PTPRN2: variants seen among roughly 807,000 people sequenced by gnomAD.
PTPRN2 encodes the protein protein tyrosine phosphatase receptor type N2.
A neutral mutation model predicts 118.8 loss-of-function variants in PTPRN2; 74 were observed. The observed-to-expected ratio is 0.62, with a 90% CI of 0.52 to 0.76. The LOEUF (loss-of-function observed/expected upper bound fraction) is 0.76, where lower values mean the gene tolerates loss of function less well. PTPRN2 is among the 30% of genes least tolerant of loss of function. PTPRN2 has a pLI of 0.00. For missense variants in PTPRN2, 1,481 were observed against 1,394.4 expected, an observed-to-expected ratio of 1.06 and a Z score of -0.99; for synonymous variants, 641 against 608.0, an observed-to-expected ratio of 1.05 and a Z score of -0.80.
At chr7:158,252,206 C>T (rs1019058917) in intron 3 of PTPRN2, among the ~76,000 whole-genome samples, 2 of 152,194 alleles carry the variant, frequency 1.3e-5, no homozygotes, top group African/African-American at 4.8e-5. Flanking sequence ...ACTTGAGCAC[C>T]AGTGGCCTGA....
intron 3 of PTPRN2, among the ~76,000 whole-genome samples, chr7:158,218,717 T>A (rs1000738791): frequency 1.3e-5 from 2 of 152,138 alleles, no homozygotes; most frequent in Non-Finnish European, 2.9e-5. Flanking sequence ...ACACTTTGGC[T>A]CAAAGTAAAG....
intron 22 of PTPRN2, among the ~76,000 whole-genome samples, chr7:157,542,893 T>A (rs2116946132): frequency 6.6e-6 from 1 of 152,170 alleles, no homozygotes; most frequent in East Asian, 1.9e-4. Context: ...AGAGCTGGCG[T>A]TTGAGGGGAC....
chr7:158,342,939 A>C (rs1319051477), intron 2 of PTPRN2, among the ~76,000 whole-genome samples: 2 of 152,162 alleles, frequency 1.3e-5, no homozygotes, highest in East Asian at 3.9e-4. Flanking sequence ...AGGGTGGACA[A>C]GTGCTGGGTT....
At chr7:158,472,777 G>A (rs372656010) in intron 2 of PTPRN2, among the ~76,000 whole-genome samples, 3 of 152,172 alleles carry the variant, frequency 2.0e-5, no homozygotes, top group South Asian at 2.1e-4. Flanking sequence ...TAACAAGGCC[G>A]TTGCATGCAA....
chr7:157,999,873 CTTTTT>C (rs975846065), intron 11 of PTPRN2, among the ~76,000 whole-genome samples: 2 of 148,330 alleles, frequency 1.3e-5, no homozygotes, highest in Non-Finnish European at 3.0e-5. Flanking sequence ...TTTATTTTTA[CTTTTT>C]TTTTTTATTT....
At chr7:158,197,989 T>C (rs1826343024) in intron 4 of PTPRN2, among the ~76,000 whole-genome samples, 1 of 152,244 alleles carries the variant, frequency 6.6e-6, no homozygotes, top group Non-Finnish European at 1.5e-5. Flanking sequence ...CCAAGGCTTT[T>C]GCAGTTCTTT....
At chr7:157,725,747 G>A (rs1221809114) in intron 12 of PTPRN2, among the ~76,000 whole-genome samples, 1 of 76,406 alleles carries the variant, frequency 1.3e-5, no homozygotes, top group Non-Finnish European at 2.5e-5. Context: ...CCTCCCAGGA[G>A]AACTGGATAT....
rs1554571676 is a variant in PTPRN2 at position 158,171,308 on chromosome 7, C to CATACATATATATAT, written c.550-4018_550-4017insATATATATATGTAT. On this transcript the variant is annotated intron_variant, in intron 5 of 22. Coordinates refer to ENST00000389418, the MANE Select transcript of PTPRN2 (RefSeq NM_002847.5). ...ATATATACACACATATATATACACA[C>CATACATATATATAT]ATATATATATATATATATATATATA... 2.3e-4 allele frequency among the ~76,000 whole-genome samples: 11 copies of CATACATATATATAT among 48,674 alleles called. 3 individuals carry two copies. Among genetic ancestry groups the CATACATATATATAT allele is most frequent in the Non-Finnish European group, 3.0e-4 (8 of 27,068 alleles). The allele number at this position is 48,674 out of a possible 152,430, so 31.9% of individuals were successfully genotyped here. A position where few individuals can be genotyped will look rare whatever the true frequency, so the allele number is the denominator to read the frequency against.
At chr7:158,533,820 G>A (rs1299905094) in intron 1 of PTPRN2, among the ~76,000 whole-genome samples, 1 of 152,242 alleles carries the variant, frequency 6.6e-6, no homozygotes, top group Non-Finnish European at 1.5e-5. Context: ...AGATGTGGAT[G>A]CAGAATGAAC....
At chr7:158,316,520 C>T (rs956694043) in intron 3 of PTPRN2, among the ~76,000 whole-genome samples, 13 of 152,200 alleles carry the variant, frequency 8.5e-5, no homozygotes, top group African/African-American at 3.1e-4. Flanking sequence ...CCAGCCAGGC[C>T]CAGATAAGCA....
chr7:157,841,932 C>T (rs1486796849), intron 12 of PTPRN2, among the ~76,000 whole-genome samples: 8 of 152,116 alleles, frequency 5.3e-5, no homozygotes, highest in Non-Finnish European at 2.9e-5. Flanking sequence ...TTCCTCCCTC[C>T]TCTCCCTTTC....
At chr7:158,130,157 T>C (rs184352023) in intron 9 of PTPRN2, among the ~76,000 whole-genome samples, 13 of 152,322 alleles carry the variant, frequency 8.5e-5, no homozygotes, top group African/African-American at 3.1e-4. Context: ...TTCTCCCTGA[T>C]GAAATGTAGC....
chr7:157,848,846 CT>C (rs1809068954), intron 12 of PTPRN2, among the ~76,000 whole-genome samples: 1 of 152,248 alleles, frequency 6.6e-6, no homozygotes, highest in East Asian at 1.9e-4. Flanking sequence ...GCCCCGACGC[CT>C]CTGCAGTCCC....
At chr7:158,341,267 CA>C (rs1806706662) in intron 2 of PTPRN2, among the ~76,000 whole-genome samples, 1 of 151,584 alleles carries the variant, frequency 6.6e-6, no homozygotes, top group Non-Finnish European at 1.5e-5. Flanking sequence ...ACGTCATTCA[CA>C]CCCACACTCT....
At chr7:158,236,197 G>A (rs947149656) in intron 3 of PTPRN2, among the ~76,000 whole-genome samples, 4 of 152,182 alleles carry the variant, frequency 2.6e-5, no homozygotes, top group Admixed American at 6.5e-5. Flanking sequence ...CTTACGGTAC[G>A]TTAGGGGATG....
intron 12 of PTPRN2, among the ~76,000 whole-genome samples, chr7:157,836,042 G>A (rs181176330): frequency 1.1e-4 from 16 of 152,190 alleles, no homozygotes; most frequent in African/African-American, 3.1e-4. Flanking sequence ...AAGAGTACTC[G>A]TGAGTCTATT....
intron 11 of PTPRN2, among the ~76,000 whole-genome samples, chr7:158,070,950 G>C (rs1215623721): frequency 7.3e-5 from 9 of 123,682 alleles, no homozygotes; most frequent in African/African-American, 2.1e-4. Context: ...GGAGGTGCCC[G>C]TGGTGGTGGA....
chr7:157,910,760 A>G (rs1287687356), intron 11 of PTPRN2, among the ~76,000 whole-genome samples: 1 of 152,038 alleles, frequency 6.6e-6, no homozygotes, highest in Non-Finnish European at 1.5e-5. Flanking sequence ...AGCCCAGCAG[A>G]CAGAGCACGT....
chr7:158,285,779 C>T (rs1350830260), intron 3 of PTPRN2, among the ~76,000 whole-genome samples: 1 of 152,226 alleles, frequency 6.6e-6, no homozygotes, highest in East Asian at 1.9e-4. Flanking sequence ...CCGGCAAAAC[C>T]TCAGTCCTTG....
Sources: allele counts gnomAD v4.1 joint callset (sites outside exome capture counted in the v4.1 genomes callset), GRCh38; gene constraint gnomAD v4.1.1; transcripts MANE v1.5; gene names NCBI Gene and HGNC (gene_info 2026-07-23, HGNC 2026-07-21).